Variants in SLC24A2 observed in about 807,000 individuals in gnomAD.
The protein encoded by SLC24A2 is sodium/potassium/calcium exchanger 2.
A neutral mutation model predicts 62.0 loss-of-function variants in SLC24A2; 36 were observed. The observed-to-expected ratio is 0.58, with a 90% CI of 0.44 to 0.77. The LOEUF is 0.77. Ranked by LOEUF, SLC24A2 falls within the 30% of genes least tolerant of loss-of-function variation. The probability of loss-of-function intolerance (pLI) is 0.00; values close to 1 mark genes in which losing one functional copy is unlikely to be tolerated. For missense variants in SLC24A2, 846 were observed against 817.9 expected, an observed-to-expected ratio of 1.03 and a Z score of -0.42; for synonymous variants, 358 against 294.0, an observed-to-expected ratio of 1.22 and a Z score of -2.23.
intron 8 of SLC24A2, among the ~76,000 whole-genome samples, chr9:19,532,365 G>T (rs1388788495): frequency 6.6e-6 from 1 of 152,022 alleles, no homozygotes; most frequent in African/African-American, 2.4e-5. Flanking sequence ...CAAAGTGCTG[G>T]GACTACAGGT....
the SLC24A2 span, among the ~76,000 whole-genome samples, chr9:20,099,791 T>C: frequency 3.3e-5 from 5 of 152,018 alleles, no homozygotes; most frequent in East Asian, 1.9e-4. Flanking sequence ...TTGTAGAAAA[T>C]AGCTGCAATA....
chr9:19,658,397 G>A (rs777796784), intron 2 of SLC24A2, among the ~76,000 whole-genome samples: 10 of 151,154 alleles, frequency 6.6e-5, no homozygotes, highest in Admixed American at 4.6e-4. Context: ...CCCCTCACTT[G>A]TGCCAAGTTC....
chr9:20,184,761 C>T, the SLC24A2 span, among the ~76,000 whole-genome samples: 1 of 152,028 alleles, frequency 6.6e-6, no homozygotes, highest in Non-Finnish European at 1.5e-5. Context: ...GAGTATATAT[C>T]CAAAGGAAAT....
chr9:20,275,363 T>C, the SLC24A2 span, among the ~76,000 whole-genome samples: 5 of 151,956 alleles, frequency 3.3e-5, no homozygotes, highest in Non-Finnish European at 5.9e-5. Flanking sequence ...ATTCCTAGAG[T>C]TACCTTGCCC....
chr9:19,759,172 C>A (rs1822237575), intron 2 of SLC24A2, among the ~76,000 whole-genome samples: 1 of 152,200 alleles, frequency 6.6e-6, no homozygotes, highest in African/African-American at 2.4e-5. Flanking sequence ...CACGATGCTT[C>A]TATTTAGTTC....
chr9:19,745,146 G>C (rs1821795521), intron 2 of SLC24A2, among the ~76,000 whole-genome samples: 1 of 151,936 alleles, frequency 6.6e-6, no homozygotes, highest in Non-Finnish European at 1.5e-5. Flanking sequence ...TTAAGATTGT[G>C]GCACCTGCTC....
At chr9:19,835,995 G>A in the SLC24A2 span, among the ~76,000 whole-genome samples, 193 of 152,266 alleles carry the variant, frequency 1.3e-3, 2 homozygotes, top group African/African-American at 4.5e-3. Flanking sequence ...ATAACGAAAT[G>A]AAGGCAGAAA....
chr9:20,227,039 C>T, the SLC24A2 span, among the ~76,000 whole-genome samples: 2 of 152,174 alleles, frequency 1.3e-5, no homozygotes, highest in Admixed American at 1.3e-4. Flanking sequence ...TGTTCATTCT[C>T]TAAATCCAAA....
At chr9:19,888,221 T>C in the SLC24A2 span, among the ~76,000 whole-genome samples, 1 of 152,330 alleles carries the variant, frequency 6.6e-6, no homozygotes, top group Non-Finnish European at 1.5e-5. Context: ...TATGTTTTAA[T>C]TTTTCTGGAA....
chr9:20,300,529 G>A, the SLC24A2 span, among the ~76,000 whole-genome samples: 3 of 152,122 alleles, frequency 2.0e-5, no homozygotes, highest in African/African-American at 7.2e-5. Context: ...AAATTCTGCA[G>A]CAAGGACCCA....
chr9:19,959,494 G>C, the SLC24A2 span, among the ~76,000 whole-genome samples: 1 of 152,166 alleles, frequency 6.6e-6, no homozygotes, highest in African/African-American at 2.4e-5. Flanking sequence ...ACCTTTAGCA[G>C]TGTCTATAAA....
At chr9:19,879,009 C>G in the SLC24A2 span, among the ~76,000 whole-genome samples, 1 of 152,128 alleles carries the variant, frequency 6.6e-6, no homozygotes, top group Non-Finnish European at 1.5e-5. Context: ...CCTTCAAAAC[C>G]ATGTACCACC....
the SLC24A2 span, among the ~76,000 whole-genome samples, chr9:20,196,369 C>G: frequency 2.8e-3 from 433 of 152,332 alleles, 1 homozygote; most frequent in African/African-American, 9.7e-3. Flanking sequence ...CAGGACTGCA[C>G]TTGCATTTTC....
the SLC24A2 span, among the ~76,000 whole-genome samples, chr9:19,983,629 T>A: frequency 6.6e-6 from 1 of 152,100 alleles, no homozygotes; most frequent in East Asian, 1.9e-4. Context: ...GGCAACAGAT[T>A]GAGACTCCAT....
chr9:19,656,934 G>T (rs1469173045), intron 2 of SLC24A2, among the ~76,000 whole-genome samples: 4 of 152,162 alleles, frequency 2.6e-5, no homozygotes, highest in Admixed American at 2.6e-4. Flanking sequence ...GGATTCACTA[G>T]GGTGACACTC....
chr9:19,837,541 C>A, the SLC24A2 span, among the ~76,000 whole-genome samples: 1 of 136,736 alleles, frequency 7.3e-6, no homozygotes, highest in Non-Finnish European at 1.5e-5. Flanking sequence ...CACTCCTATT[C>A]AACACAGTGT....
chr9:20,025,866 G>C, the SLC24A2 span, among the ~76,000 whole-genome samples: 6 of 152,148 alleles, frequency 3.9e-5, no homozygotes, highest in Non-Finnish European at 5.9e-5. Context: ...AGTAGGGAGA[G>C]AGAAGAGAGG....
the SLC24A2 span, among the ~76,000 whole-genome samples, chr9:19,813,255 A>T: frequency 1.3e-5 from 2 of 151,720 alleles, no homozygotes; most frequent in Non-Finnish European, 2.9e-5. Context: ...AGAATGGGCA[A>T]ATACCCTCAG....
At chr9:20,024,470 C>T in the SLC24A2 span, among the ~76,000 whole-genome samples, 101 of 152,278 alleles carry the variant, frequency 6.6e-4, no homozygotes, top group Non-Finnish European at 8.5e-4. Flanking sequence ...TAGGTTACTA[C>T]CGAATTTTTG....
Sources: allele counts gnomAD v4.1 joint callset (sites outside exome capture counted in the v4.1 genomes callset), GRCh38; gene constraint gnomAD v4.1.1; transcripts MANE v1.5; gene names NCBI Gene and HGNC (gene_info 2026-07-23, HGNC 2026-07-21).